STRBP: variants seen among roughly 807,000 people sequenced by gnomAD.
STRBP encodes spermatid perinuclear RNA binding protein.
Under a neutral mutation model 80.1 loss-of-function variants are expected in STRBP, and 13 were observed. The observed-to-expected ratio is 0.16, with a 90% CI of 0.11 to 0.26. The LOEUF (loss-of-function observed/expected upper bound fraction) is 0.26. Among genes scored for constraint, STRBP ranks in the 10% least tolerant of loss-of-function variants. The pLI is 1.00. For missense variants in STRBP, 485 were observed against 815.2 expected, an observed-to-expected ratio of 0.59 and a Z score of 4.93; for synonymous variants, 284 against 291.2, an observed-to-expected ratio of 0.98 and a Z score of 0.25.
At chr9:123,194,747 T>G (rs2039037330) in intron 2 of STRBP, among the ~76,000 whole-genome samples, 1 of 152,088 alleles carries the variant, frequency 6.6e-6, no homozygotes, top group Admixed American at 6.5e-5. Flanking sequence ...CTCCTCTTAG[T>G]TGACTTCTCA....
intron 16 of STRBP, among the ~76,000 whole-genome samples, chr9:123,133,404 A>G (rs76858010): frequency 0.071 from 10,818 of 152,244 alleles, 577 homozygotes; most frequent in African/African-American, 0.15. Flanking sequence ...AACATAAAGG[A>G]CTAAGACAGG....
chr9:123,221,292 A>G (rs2040058587), intron 2 of STRBP, among the ~76,000 whole-genome samples: 1 of 152,082 alleles, frequency 6.6e-6, no homozygotes, highest in African/African-American at 2.4e-5. Context: ...TGCCACTCAC[A>G]TCCTCCACGG....
At chr9:123,235,057 C>T (rs907359498) in intron 2 of STRBP, among the ~76,000 whole-genome samples, 1 of 147,740 alleles carries the variant, frequency 6.8e-6, no homozygotes, top group African/African-American at 2.5e-5. Context: ...AAACACATTA[C>T]AACCAGTATT....
At chr9:123,196,783 G>A (rs374713898) in intron 2 of STRBP, among the ~76,000 whole-genome samples, 7 of 152,152 alleles carry the variant, frequency 4.6e-5, no homozygotes, top group African/African-American at 1.7e-4. Context: ...GTATACTGTT[G>A]GTAGGAATGT....
intron 2 of STRBP, among the ~76,000 whole-genome samples, chr9:123,208,431 C>T (rs1024217404): frequency 6.6e-6 from 1 of 152,112 alleles, no homozygotes; most frequent in African/African-American, 2.4e-5. Context: ...AGCTAGCGCA[C>T]AGTTTGTTGT....
At chr9:123,146,440 T>G (rs905680674) in intron 13 of STRBP, among the ~76,000 whole-genome samples, 1 of 151,674 alleles carries the variant, frequency 6.6e-6, no homozygotes, top group Non-Finnish European at 1.5e-5. Flanking sequence ...TTAAAAATTA[T>G]TTATGAAGAT....
At chr9:123,201,178 A>G (rs1418779984) in intron 2 of STRBP, among the ~76,000 whole-genome samples, 1 of 152,076 alleles carries the variant, frequency 6.6e-6, no homozygotes, top group Non-Finnish European at 1.5e-5. Flanking sequence ...AAGCGACAGC[A>G]TATTTCACTG....
At chr9:123,234,149 A>C (rs1397229184) in intron 2 of STRBP, among the ~76,000 whole-genome samples, 3 of 150,820 alleles carry the variant, frequency 2.0e-5, no homozygotes, top group Non-Finnish European at 3.0e-5. Context: ...TGTGGTGAGC[A>C]GAGATCACAC....
intron 2 of STRBP, among the ~76,000 whole-genome samples, chr9:123,207,583 G>C (rs1283600672): frequency 6.6e-6 from 1 of 152,154 alleles, no homozygotes; most frequent in Non-Finnish European, 1.5e-5. Context: ...CATCAGGAAA[G>C]CGGGGTCGGG....
intron 1 of STRBP, among the ~76,000 whole-genome samples, chr9:123,241,663 C>A (rs2040698306): frequency 6.6e-6 from 1 of 151,934 alleles, no homozygotes; most frequent in Non-Finnish European, 1.5e-5. Flanking sequence ...TTCCCTTTTC[C>A]TGTGGCCATG....
chr9:123,241,794 G>T (rs2040701146), intron 1 of STRBP, among the ~76,000 whole-genome samples: 1 of 151,982 alleles, frequency 6.6e-6, no homozygotes, highest in Non-Finnish European at 1.5e-5. Context: ...TTTTGTTCTG[G>T]TCTCTCTCCA....
At chr9:123,268,214 G>T (rs1213658289) in intron 1 of STRBP, among the ~76,000 whole-genome samples, 3 of 151,788 alleles carry the variant, frequency 2.0e-5, no homozygotes, top group Non-Finnish European at 4.4e-5. Context: ...AGCGGCCGGG[G>T]CACCGCAGCG....
rs2037368047 is a variant in STRBP at position 123,158,104 on chromosome 9, G to C, written c.953C>G (p.Ala318Gly). Residue 318 changes from alanine (A) to glycine (G), a missense_variant, in exon 11 of 19, where the codon GCC (alanine) becomes GGC (glycine). Transcript: ENST00000348403. Reference sequence around the variant, plus strand: ...CAGCACTTTGTAAATCTGGCCAAAGGCTGATAGTCTGAGTGCATGCTAAAG... The same window carrying C: ...CAGCACTTTGTAAATCTGGCCAAAGCCTGATAGTCTGAGTGCATGCTAAAG... ...HSAQHALRLS[A>G]FGQIYKVLEM... 1 of 1,609,584 alleles carries C rather than the reference G, an allele frequency of 6.2e-7. No homozygotes were observed. The highest frequency in any genetic ancestry group is 1.4e-5 in the African/African-American group (1 of 73,844).
intron 2 of STRBP, among the ~76,000 whole-genome samples, chr9:123,222,873 TGC>T (rs1329867596): frequency 6.6e-6 from 1 of 152,100 alleles, no homozygotes; most frequent in African/African-American, 2.4e-5. Context: ...CCAGTTGACC[TGC>T]ACAGGAACGT....
intron 1 of STRBP, among the ~76,000 whole-genome samples, chr9:123,259,069 A>G (rs1182123420): frequency 6.8e-6 from 1 of 146,924 alleles, no homozygotes; most frequent in Non-Finnish European, 1.5e-5. Context: ...GGGCAAAAAA[A>G]AAAAAAGGGG....
At chr9:123,172,025 A>G (rs982361730) in intron 5 of STRBP, among the ~76,000 whole-genome samples, 1 of 152,240 alleles carries the variant, frequency 6.6e-6, no homozygotes, top group Non-Finnish European at 1.5e-5. Context: ...AGAAAGCTCT[A>G]ACAATGCCAA....
At chr9:123,240,338 AC>A (rs2040667397) in intron 1 of STRBP, among the ~76,000 whole-genome samples, 1 of 152,142 alleles carries the variant, frequency 6.6e-6, no homozygotes, top group African/African-American at 2.4e-5. Flanking sequence ...TGCCCACCAC[AC>A]CGAAATCTAG....
intron 2 of STRBP, among the ~76,000 whole-genome samples, chr9:123,198,101 T>C (rs1033443750): frequency 2.0e-5 from 3 of 152,174 alleles, no homozygotes; most frequent in Non-Finnish European, 4.4e-5. Context: ...ATTTATATAT[T>C]TTCTTTTCAG....
Position 123,125,255 on chromosome 9 carries a change from A to G in STRBP, c.*342T>C, listed in dbSNP as rs937490051. The G allele has an allele frequency of 2.0e-6, 2 of 1,010,400 alleles. No individual in the cohort carries two copies. 62.6% of individuals were successfully genotyped at this position (1,010,400 alleles called of 1,614,324 possible). A position where few individuals can be genotyped will look rare whatever the true frequency, so the allele number is the denominator to read the frequency against. ...GCAGTTTATTTGTGATCAGTGTTTGAGACTCTATACATCCTTCACAAATTT... is the reference window on the plus strand; with the variant it reads ...GCAGTTTATTTGTGATCAGTGTTTGGGACTCTATACATCCTTCACAAATTT... On this transcript the variant is annotated 3_prime_UTR_variant, in exon 19 of 19. Coordinates refer to ENST00000348403, the MANE Select transcript of STRBP (RefSeq NM_018387.5).
Sources: allele counts gnomAD v4.1 joint callset (sites outside exome capture counted in the v4.1 genomes callset), GRCh38; gene constraint gnomAD v4.1.1; transcripts MANE v1.5; gene names NCBI Gene and HGNC (gene_info 2026-07-23, HGNC 2026-07-21).